The following PHF21B variants were observed in gnomAD, a reference collection of about 807,000 sequenced individuals.
The protein encoded by PHF21B is PHD finger protein 4.
PHF21B carries 22 observed loss-of-function variants against 62.2 expected under a neutral mutation model. The ratio of observed to expected loss-of-function variants is 0.35; its 90% confidence interval spans 0.25 to 0.51. The LOEUF (loss-of-function observed/expected upper bound fraction) is 0.51, where lower values mean the gene tolerates loss of function less well. Among genes scored for constraint, PHF21B ranks in the 20% least tolerant of loss-of-function variants. PHF21B has a pLI of 0.97. For missense variants in PHF21B, 701 were observed against 707.9 expected, an observed-to-expected ratio of 0.99 and a Z score of 0.11; for synonymous variants, 341 against 314.7, an observed-to-expected ratio of 1.08 and a Z score of -0.88.
At chr22:44,956,564 G>A (rs1368928379) in intron 2 of PHF21B, among the ~76,000 whole-genome samples, 3 of 152,164 alleles carry the variant, frequency 2.0e-5, no homozygotes, top group Non-Finnish European at 4.4e-5. Flanking sequence ...GAAATACTGG[G>A]ATTTATCACA....
At chr22:44,943,002 C>CA (rs2071990719) in intron 2 of PHF21B, among the ~76,000 whole-genome samples, 2 of 151,284 alleles carry the variant, frequency 1.3e-5, no homozygotes, top group African/African-American at 4.9e-5. Flanking sequence ...GGGACCCCCC[C>CA]CCCCCCATCC....
intron 5 of PHF21B, among the ~76,000 whole-genome samples, chr22:44,913,097 G>A (rs575693767): frequency 2.9e-4 from 44 of 152,216 alleles, no homozygotes; most frequent in South Asian, 8.3e-4. Context: ...CAGGGGCTGC[G>A]CATCCACTAT....
At chr22:44,926,912 T>C (rs136684) in intron 2 of PHF21B, among the ~76,000 whole-genome samples, 2,405 of 152,160 alleles carry the variant, frequency 0.016, 32 homozygotes, top group East Asian at 0.047. Flanking sequence ...TGATACCCAC[T>C]CAGGTGTGCA....
intron 2 of PHF21B, among the ~76,000 whole-genome samples, chr22:44,984,679 T>C (rs573322218): frequency 6.6e-6 from 1 of 152,298 alleles, no homozygotes; most frequent in South Asian, 2.1e-4. Flanking sequence ...TCCTGCTCTG[T>C]AAGTTATTAA....
intron 3 of PHF21B, among the ~76,000 whole-genome samples, chr22:44,918,167 C>T (rs79617387): frequency 2.0e-4 from 31 of 152,378 alleles, no homozygotes; most frequent in South Asian, 2.1e-4. Flanking sequence ...GAAAGTTACC[C>T]GTTGGAAAAC....
At chr22:44,963,432 C>T (rs777870027) in intron 2 of PHF21B, among the ~76,000 whole-genome samples, 12 of 152,204 alleles carry the variant, frequency 7.9e-5, no homozygotes, top group South Asian at 2.1e-4. Context: ...AAAGTGACTT[C>T]TATGAAGCCC....
At chr22:44,951,447 C>T (rs1205116173) in intron 2 of PHF21B, among the ~76,000 whole-genome samples, 1 of 152,230 alleles carries the variant, frequency 6.6e-6, no homozygotes, top group Non-Finnish European at 1.5e-5. Flanking sequence ...TCCTCACCTC[C>T]TGCTGTGAGC....
chr22:44,889,255 G>T (rs2070916734), intron 9 of PHF21B, among the ~76,000 whole-genome samples: 1 of 143,090 alleles, frequency 7.0e-6, no homozygotes, highest in African/African-American at 2.5e-5. Context: ...GGGAATCAGG[G>T]ATGTGGTGTG....
chr22:44,966,737 C>A (rs891267697), intron 2 of PHF21B, among the ~76,000 whole-genome samples: 1 of 152,184 alleles, frequency 6.6e-6, no homozygotes, highest in Non-Finnish European at 1.5e-5. Context: ...GCCATCAAGA[C>A]CAAGAAAAAT....
Position 44,896,880 on chromosome 22 carries a change from G to GTTTTTTTTTGTTTT in PHF21B, c.832-798_832-797insAAAACAAAAAAAAA, listed in dbSNP as rs1555933161. Among the ~76,000 whole-genome samples the GTTTTTTTTTGTTTT allele has an allele frequency of 5.8e-4, 49 of 84,046 alleles. 3 individuals carry two copies. The highest frequency in any genetic ancestry group is 2.0e-3 in the African/African-American group (49 of 24,244). 55.1% of individuals were successfully genotyped at this position (84,046 alleles called of 152,430 possible). A position where few individuals can be genotyped will look rare whatever the true frequency, so the allele number is the denominator to read the frequency against. On this transcript the variant is annotated intron_variant, in intron 5 of 12. Transcript: ENST00000313237. ...AACAGGGTGGCACTTAGTTTTATCT[G>GTTTTTTTTTGTTTT]TTTTTTTTTTTTTTTTGAGACAGGT... is the stretch of plus-strand genomic sequence containing the variant.
At chr22:44,918,072 A>G (rs909950286) in intron 3 of PHF21B, among the ~76,000 whole-genome samples, 1 of 152,216 alleles carries the variant, frequency 6.6e-6, no homozygotes, top group African/African-American at 2.4e-5. Flanking sequence ...TTGTCCCCCA[A>G]TGCCAGGCTT....
Position 44,891,349 on chromosome 22 carries a change from C to T in PHF21B, c.972G>A (p.Leu324=), listed in dbSNP as rs141582937. 3.3e-5 allele frequency: 54 copies of T among 1,613,786 alleles called. No individual in the cohort carries two copies. In the Admixed American group the frequency reaches 3.8e-4, roughly 11 times the overall value. Residue 324 remains leucine, a synonymous_variant, in exon 8 of 13, where the codon CTG becomes CTA. Coordinates refer to ENST00000313237, the MANE Select transcript of PHF21B (RefSeq NM_138415.5). ...GGGGGTTGTTGAGATAGTTGGAGGC[C>T]AGCCGTTTCCTCTGCAGGGACAGAA... ...SGLLETERKR[L]ASNYLNNPLF...
chr22:44,985,223 C>T (rs553361626), intron 2 of PHF21B, among the ~76,000 whole-genome samples: 1 of 152,324 alleles, frequency 6.6e-6, no homozygotes, highest in African/African-American at 2.4e-5. Flanking sequence ...TTACAAACTT[C>T]CACACCCACT....
At chr22:44,927,057 G>A (rs1041341397) in intron 2 of PHF21B, among the ~76,000 whole-genome samples, 5 of 152,080 alleles carry the variant, frequency 3.3e-5, no homozygotes, top group Non-Finnish European at 7.4e-5. Context: ...CCTTACTTTA[G>A]GAATTCACAG....
intron 3 of PHF21B, among the ~76,000 whole-genome samples, chr22:44,918,206 G>T (rs956182160): frequency 3.3e-5 from 5 of 152,252 alleles, no homozygotes; most frequent in African/African-American, 1.2e-4. Context: ...AAGAGGACTG[G>T]CGTGGGGGCG....
chr22:44,998,474 C>T (rs1265720025), intron 2 of PHF21B, among the ~76,000 whole-genome samples: 2 of 152,328 alleles, frequency 1.3e-5, no homozygotes, highest in South Asian at 2.1e-4. Context: ...TTCCCAACCC[C>T]GACCGGGGCC....
chr22:44,893,369 G>A (rs971328395), intron 7 of PHF21B, 88 bp downstream of exon 7: 8 of 1,312,782 alleles, frequency 6.1e-6, no homozygotes, highest in Admixed American at 6.1e-5. Context: ...TTAGGAAAGC[G>A]AATGAGGGAG....
intron 10 of PHF21B, among the ~76,000 whole-genome samples, chr22:44,887,741 C>G (rs2070884803): frequency 7.5e-6 from 1 of 132,880 alleles, no homozygotes; most frequent in Admixed American, 8.1e-5. Context: ...GGCAACAGAA[C>G]GAGACTCTGT....
chr22:44,925,684 G>T (rs557232685), intron 2 of PHF21B, among the ~76,000 whole-genome samples: 2 of 152,196 alleles, frequency 1.3e-5, no homozygotes, highest in Non-Finnish European at 2.9e-5. Context: ...GCTCTTGGCT[G>T]GCACAGCCTG....
Sources: allele counts gnomAD v4.1 joint callset (sites outside exome capture counted in the v4.1 genomes callset), GRCh38; gene constraint gnomAD v4.1.1; transcripts MANE v1.5; gene names NCBI Gene and HGNC (gene_info 2026-07-23, HGNC 2026-07-21).